Variants in XKR3 observed in about 807,000 individuals in gnomAD.
XKR3 encodes the protein XK related 3.
Under a neutral mutation model 40.3 loss-of-function variants are expected in XKR3, and 27 were observed. The observed-to-expected ratio is 0.67, with a 90% confidence interval of 0.49 to 0.92. XKR3 has a LOEUF of 0.92. Among genes scored for constraint, XKR3 ranks in the 40% least tolerant of loss-of-function variants. The probability of loss-of-function intolerance (pLI) is 0.00; values close to 1 mark genes in which losing one functional copy is unlikely to be tolerated. For missense variants in XKR3, 472 were observed against 537.6 expected (o/e 0.88, Z 1.21); for synonymous variants, 193 against 195.4 (o/e 0.99, Z 0.10).
At position 16,805,198 on chromosome 22, in the gene XKR3, C is replaced by CA. The variant is rs538635354; in HGVS notation, c.335+2540dup. 2.8e-3 allele frequency among the ~76,000 whole-genome samples: 422 copies of CA among 151,986 alleles called. 3 individuals carry two copies. The highest frequency in any genetic ancestry group is 8.8e-3 in the African/African-American group (366 of 41,462). ...TACAGAAAATCTGGAGGAATCCACA[C>CA]AAAAAAACATTAAAGCTAGTAAATA... is the stretch of plus-strand genomic sequence containing the variant. On this transcript the variant is annotated intron_variant, in intron 2 of 3. Transcript: ENST00000684488.
At chr22:16,816,942 A>G (rs2060236172) in intron 1 of XKR3, among the ~76,000 whole-genome samples, 1 of 152,084 alleles carries the variant, frequency 6.6e-6, no homozygotes, top group Non-Finnish European at 1.5e-5. Flanking sequence ...AGAGACTCAT[A>G]CCAAAAATAA....
chr22:16,822,290 G>A (rs929480901), intron 1 of XKR3, among the ~76,000 whole-genome samples: 1 of 151,994 alleles, frequency 6.6e-6, no homozygotes, highest in African/African-American at 2.4e-5. Context: ...TTCAAGGTAG[G>A]TTGTGGTAAA....
chr22:16,819,070 T>C (rs1394635198), intron 1 of XKR3, among the ~76,000 whole-genome samples: 1 of 151,946 alleles, frequency 6.6e-6, no homozygotes, highest in Admixed American at 6.6e-5. Flanking sequence ...TATGCTCTGA[T>C]ATACATTAAA....
chr22:16,783,838 T>C lies in XKR3; in HGVS notation c.1161A>G (p.Leu387=). The part of the protein sequence containing the change: ...LIAVQLIISY[L]LATGFMLLFY... ...AGAGGAGCATAAAGCCAGTGGCCAA[T>C]AGGTAGCTTATGATGAGCTGCACGG... Residue 387 remains leucine (L), a synonymous_variant, in exon 4 of 4, where the codon CTA becomes CTG. Transcript: ENST00000684488. 1 of 1,614,166 alleles carries C rather than the reference T, an allele frequency of 6.2e-7. No individual in the cohort carries two copies. The highest frequency in any genetic ancestry group is 8.5e-7 in the Non-Finnish European group (1 of 1,180,030).
chr22:16,822,343 A>G (rs1453167374), intron 1 of XKR3, among the ~76,000 whole-genome samples: 1 of 152,114 alleles, frequency 6.6e-6, no homozygotes, highest in Non-Finnish European at 1.5e-5. Flanking sequence ...AACTAAAGTA[A>G]CAGTAACAGC....
chr22:16,799,750 G>A (rs1187288425), intron 3 of XKR3, 21 bp downstream of exon 3: 1 of 1,611,534 alleles, frequency 6.2e-7, no homozygotes, highest in Non-Finnish European at 8.5e-7. Context: ...GTGTCTTTCA[G>A]CATCAAGTAA....
At chr22:16,799,141 C>T (rs561799623) in intron 3 of XKR3, among the ~76,000 whole-genome samples, 2 of 152,026 alleles carry the variant, frequency 1.3e-5, no homozygotes, top group Non-Finnish European at 1.5e-5. Flanking sequence ...TGGCTGGGCG[C>T]GGTGGCTCAT....
In XKR3 at chr22:16,783,734, T is replaced by G. The variant is rs757440916; in HGVS notation, c.1265A>C (p.Tyr422Ser). 6.2e-7 allele frequency: 1 copy of G among 1,614,232 alleles called. No individual in the cohort carries two copies. Among genetic ancestry groups the G allele is most frequent in the Non-Finnish European group, 8.5e-7 (1 of 1,180,050 alleles). The change falls in exon 4 of 4, where the codon TAT (tyrosine) becomes TCT (serine). Residue 422 changes from tyrosine (Y) to serine (S), a missense_variant. Physicochemically the swap from Tyr to Ser is moderately radical, Grantham distance 144. Transcript: ENST00000684488. ...TTCAGTTTTCTCGATGTTTACATAA[T>G]AGTACGGTGCTTCTGGCTGATTTTC... ...RTENQPEAPYYYVNIEKTEKN... is the reference protein window; with the variant it reads ...RTENQPEAPYSYVNIEKTEKN...
Position 16,783,921 on chromosome 22 carries a change from A to T in XKR3, c.1078T>A (p.Leu360Met), listed in dbSNP as rs2060077160. 6.2e-7 allele frequency: 1 copy of T among 1,614,082 alleles called. No individual in the cohort carries two copies. The stretch of plus-strand genomic sequence containing the variant: ...TTCCCTCCAAAGAACCTAAATACCA[A>T]TATCATTATCACATTTTCTAAAAAC... ...FQFLENVIMI[L>M]VFRFFGGKTL... Residue 360 changes from leucine (L) to methionine (M), a missense_variant, in exon 4 of 4, where the codon TTG (leucine) becomes ATG (methionine). By Grantham distance (15) the Leu-to-Met change is conservative (BLOSUM62 2). Transcript: ENST00000684488.
intron 1 of XKR3, among the ~76,000 whole-genome samples, chr22:16,817,348 G>A (rs916889605): frequency 7.3e-4 from 37 of 50,730 alleles, no homozygotes; most frequent in African/African-American, 1.7e-3. Context: ...GGCATCGAAC[G>A]TCCACCAATC....
intron 3 of XKR3, among the ~76,000 whole-genome samples, chr22:16,785,564 A>T (rs1188432714): frequency 6.6e-6 from 1 of 150,522 alleles, no homozygotes; most frequent in African/African-American, 2.4e-5. Flanking sequence ...CATGCAGGTT[A>T]AAAAAAAATA....
At position 16,783,689 on chromosome 22, in the gene XKR3, A is replaced by G. The variant is rs2060075478; in HGVS notation, c.1310T>C (p.Leu437Pro). The G allele has an allele frequency of 5.0e-6, 8 of 1,613,186 alleles. No individual in the cohort carries two copies. In the Admixed American group the frequency reaches 1.0e-4, roughly 20 times the overall value. ...EKTEKNKNKQ[L>P]RNYCHSCNRV... ...ATTGCAGGAGTGACAGTAATTCCTC[A>G]GCTGCTTATTTTTATTCTTTTCAGT... Residue 437 changes from leucine to proline, a missense_variant, in exon 4 of 4, where the codon CTG becomes CCG. By Grantham distance (98) the Leu-to-Pro change is moderately conservative. Transcript: ENST00000684488.
intron 1 of XKR3, among the ~76,000 whole-genome samples, chr22:16,809,469 G>A (rs1264062801): frequency 2.0e-5 from 3 of 151,896 alleles, no homozygotes; most frequent in Non-Finnish European, 4.4e-5. Context: ...GCTTTTAATT[G>A]CCACAGAGAA....
chr22:16,787,318 G>C (rs2060094751), intron 3 of XKR3, among the ~76,000 whole-genome samples: 1 of 152,042 alleles, frequency 6.6e-6, no homozygotes, highest in African/African-American at 2.4e-5. Flanking sequence ...CAGCTATTTG[G>C]GAGGCGGAGG....
chr22:16,806,032 A>G (rs903621890), intron 2 of XKR3, among the ~76,000 whole-genome samples: 1 of 152,150 alleles, frequency 6.6e-6, no homozygotes, highest in African/African-American at 2.4e-5. Flanking sequence ...CAGTCTGGCA[A>G]TTCCTCACTA....
rs751202038 is a variant in XKR3 at position 16,807,780 on chromosome 22, T to C, written c.294A>G (p.Ala98=). ...FNKDLRRNKA[A]LLFWHILLLG... is the part of the protein sequence containing the mutation. ...AAAGAAGAATGTGCCAAAAAAGTAA[T>C]GCAGCCTTATTTCTCCTCAAGTCTT... The change falls in exon 2 of 4, where the codon GCA becomes GCG. Residue 98 remains alanine, a synonymous_variant. Coordinates refer to ENST00000684488, the MANE Select transcript of XKR3 (RefSeq NM_001386955.1). 1.9e-6 allele frequency: 3 copies of C among 1,610,856 alleles called. No homozygotes were observed.
At chr22:16,818,569 A>G (rs2060242993) in intron 1 of XKR3, among the ~76,000 whole-genome samples, 1 of 152,136 alleles carries the variant, frequency 6.6e-6, no homozygotes, top group African/African-American at 2.4e-5. Context: ...GAGAATAACC[A>G]AACTACTCCA....
chr22:16,803,810 T>C (rs763549189), intron 2 of XKR3, among the ~76,000 whole-genome samples: 6 of 152,294 alleles, frequency 3.9e-5, no homozygotes, highest in Non-Finnish European at 7.3e-5. Flanking sequence ...TAGCATACCA[T>C]CAAGAAAGAA....
Position 16,783,579 on chromosome 22 carries a change from C to T in XKR3, c.*40G>A, listed in dbSNP as rs1448778753. 3.3e-5 allele frequency: 48 copies of T among 1,450,884 alleles called. No homozygotes were observed. In the East Asian group the frequency reaches 8.9e-4, roughly 27 times the overall value. The allele number at this position is 1,450,884 out of a possible 1,614,324, so 89.9% of individuals were successfully genotyped here. Reference sequence around the variant, plus strand: ...GAGCCTCTTAACAAGTCACATTCAGCATCTTTACTCATTGTTCTGTGAAAG... The same window carrying T: ...GAGCCTCTTAACAAGTCACATTCAGTATCTTTACTCATTGTTCTGTGAAAG... On this transcript the variant is annotated 3_prime_UTR_variant, in exon 4 of 4. Transcript: ENST00000684488.
Sources: gnomAD v4.1 joint callset for allele counts (sites outside exome capture counted in the v4.1 genomes callset) on GRCh38, gnomAD v4.1.1 for gene constraint, MANE v1.5 for transcripts, NCBI Gene and HGNC (gene_info 2026-07-23, HGNC 2026-07-21) for gene names.